CREB1: variants seen among roughly 807,000 people sequenced by gnomAD.
CREB1 encodes the protein cyclic AMP-responsive element-binding protein 1.
Under a neutral mutation model 42.0 loss-of-function variants are expected in CREB1, and 2 were observed. The ratio of observed to expected loss-of-function variants is 0.05; its 90% CI spans 0.02 to 0.15. CREB1 has a LOEUF of 0.15. Ranked by LOEUF, CREB1 falls within the 10% of genes least tolerant of loss-of-function variation. CREB1 has a pLI of 1.00. For synonymous variants in CREB1, 123 were observed against 139.9 expected (o/e 0.88, Z 0.85); for missense variants, 199 against 388.9 (o/e 0.51, Z 4.11).
Position 207,597,829 on chromosome 2 carries a change from A to G in CREB1, c.*771A>G, listed in dbSNP as rs1017000635. 4 of 193,446 alleles carry G rather than the reference A, an allele frequency of 2.1e-5. No individual in the cohort carries two copies. The East Asian group carries it at 3.3e-4, about 16-fold the overall frequency. 12.0% of individuals were successfully genotyped at this position (193,446 alleles called of 1,614,324 possible). A position where few individuals can be genotyped will look rare whatever the true frequency, so the allele number is the denominator to read the frequency against. On this transcript the variant is annotated 3_prime_UTR_variant, in exon 8 of 8. Coordinates refer to ENST00000353267, the MANE Select transcript of CREB1 (RefSeq NM_004379.5). ...GGTATTTGAATTTTAAATTAAAGCA[A>G]AGTAAATAAAAGTACAAAGCATATT...
intron 1 of CREB1, among the ~76,000 whole-genome samples, chr2:207,543,687 C>G (rs1342946007): frequency 6.6e-6 from 1 of 152,162 alleles, no homozygotes; most frequent in Non-Finnish European, 1.5e-5. Context: ...ACTGCAGCCT[C>G]TGCCTCCTGG....
Position 207,555,098 on chromosome 2 carries a change from CG to C in CREB1, c.-8-527del, listed in dbSNP as rs1164818464. Among the ~76,000 whole-genome samples the C allele has an allele frequency of 2.0e-5, 3 of 152,200 alleles. No homozygotes were observed. In the East Asian group the frequency reaches 5.8e-4, roughly 29 times the overall value. ...TCTCTAAAAAATTTTGGGCTTGAAA[CG>C]GGCTGATTTTGTCCTACCACTAGTA... On this transcript the variant is annotated intron_variant, in intron 1 of 7. Transcript: ENST00000353267.
At position 207,599,223 on chromosome 2, in the gene CREB1, A is replaced by G. The variant is rs746546077; in HGVS notation, c.*2165A>G. 1 of 199,984 alleles carries G rather than the reference A, an allele frequency of 5.0e-6. No homozygotes were observed. Among genetic ancestry groups the G allele is most frequent in the South Asian group, 1.9e-4 (1 of 5,240 alleles). The allele number at this position is 199,984 out of a possible 1,614,324, so 12.4% of individuals were successfully genotyped here. ...TCCTGCTGAGCTAATGGGGAAAGTT[A>G]TAGCATAAAAATTGTGTAACCGCAT... On this transcript the variant is annotated 3_prime_UTR_variant, in exon 8 of 8. Transcript: ENST00000353267.
intron 3 of CREB1, among the ~76,000 whole-genome samples, chr2:207,565,312 T>A (rs1263235040): frequency 6.6e-6 from 1 of 152,198 alleles, no homozygotes; most frequent in Non-Finnish European, 1.5e-5. Flanking sequence ...AGGGACTCCA[T>A]AGGAATTAGC....
intron 7 of CREB1, among the ~76,000 whole-genome samples, chr2:207,586,034 G>GT (rs1252462806): frequency 1.3e-5 from 2 of 152,092 alleles, no homozygotes; most frequent in Non-Finnish European, 2.9e-5. Flanking sequence ...TACTAAAACA[G>GT]TTTATCCAAA....
chr2:207,576,214 AC>A (rs1361258011), intron 6 of CREB1, among the ~76,000 whole-genome samples: 1 of 147,392 alleles, frequency 6.8e-6, no homozygotes, highest in Non-Finnish European at 1.5e-5. Flanking sequence ...TAAATTCTCG[AC>A]AAATTATAGA....
At chr2:207,552,063 A>AT (rs2081530041) in intron 1 of CREB1, among the ~76,000 whole-genome samples, 1 of 150,824 alleles carries the variant, frequency 6.6e-6, no homozygotes, top group Non-Finnish European at 1.5e-5. Flanking sequence ...AAAAAAAAAA[A>AT]AAAATTAAGA....
At chr2:207,552,042 CAAAAAAAAAAAA>C (rs71036931) in intron 1 of CREB1, among the ~76,000 whole-genome samples, 2 of 69,940 alleles carry the variant, frequency 2.9e-5, no homozygotes, top group African/African-American at 1.2e-4. Flanking sequence ...AACTCCGTCT[CAAAAAAAAAAAA>C]AAAAAAAAAA....
Position 207,598,145 on chromosome 2 carries a change from A to G in CREB1, c.*1087A>G, listed in dbSNP as rs796363799. The G allele has an allele frequency of 5.5e-6, 1 of 180,698 alleles. No individual in the cohort carries two copies. The highest frequency in any genetic ancestry group is 1.2e-5 in the Non-Finnish European group (1 of 84,516). 11.2% of individuals were successfully genotyped at this position (180,698 alleles called of 1,614,324 possible). A position where few individuals can be genotyped will look rare whatever the true frequency, so the allele number is the denominator to read the frequency against. On this transcript the variant is annotated 3_prime_UTR_variant, in exon 8 of 8. Coordinates refer to ENST00000353267, the MANE Select transcript of CREB1 (RefSeq NM_004379.5). Reference sequence around the variant, plus strand: ...ATTTTCCATATTAACAATTTAACAGAGAATCTCTAGTGAATTTTTTAAATG... The same window carrying G: ...ATTTTCCATATTAACAATTTAACAGGGAATCTCTAGTGAATTTTTTAAATG...
chr2:207,586,058 GAC>G (rs987966482), intron 7 of CREB1, among the ~76,000 whole-genome samples: 146 of 152,184 alleles, frequency 9.6e-4, no homozygotes, highest in African/African-American at 3.2e-3. Context: ...GCCTTTCTAA[GAC>G]ACACTATTTT....
chr2:207,537,538 C>T (rs1036418412), intron 1 of CREB1, among the ~76,000 whole-genome samples: 4 of 152,160 alleles, frequency 2.6e-5, no homozygotes, highest in Admixed American at 6.5e-5. Flanking sequence ...ATAATGTGAA[C>T]GTGGTTGTTT....
At chr2:207,557,988 A>G (rs1195651109) in intron 2 of CREB1, among the ~76,000 whole-genome samples, 1 of 152,200 alleles carries the variant, frequency 6.6e-6, no homozygotes, top group East Asian at 1.9e-4. Flanking sequence ...ATGGTTCTCA[A>G]ACTTCAGTGT....
In CREB1 at chr2:207,602,015, A is replaced by G. The variant is rs2087143508; in HGVS notation, c.*4957A>G. The G allele has an allele frequency of 9.7e-6, 2 of 205,930 alleles. No homozygotes were observed. The highest frequency in any genetic ancestry group is 4.6e-5 in the African/African-American group (2 of 43,738). The allele number at this position is 205,930 out of a possible 1,614,324, so 12.8% of individuals were successfully genotyped here. On this transcript the variant is annotated 3_prime_UTR_variant, in exon 8 of 8. Coordinates refer to ENST00000353267, the MANE Select transcript of CREB1 (RefSeq NM_004379.5). ...TAATCTTTGAGGGGCTGAACATATC[A>G]TGAAGCTGAGTCAGTATGGAAAATT...
At chr2:207,576,096 G>C (rs188214713) in intron 6 of CREB1, among the ~76,000 whole-genome samples, 138 of 151,488 alleles carry the variant, frequency 9.1e-4, no homozygotes, top group Admixed American at 3.7e-3. Flanking sequence ...CAAAGTGTTG[G>C]GATGCCTCTG....
intron 7 of CREB1, among the ~76,000 whole-genome samples, chr2:207,589,749 G>A (rs1403108226): frequency 6.6e-6 from 1 of 152,096 alleles, no homozygotes; most frequent in Non-Finnish European, 1.5e-5. Context: ...TGTTATTAGA[G>A]TGAATTACAT....
rs1020573410 is a variant in CREB1, at chr2:207,605,532, AAAG to A, written c.*8477_*8479del. Among the ~76,000 whole-genome samples the A allele has an allele frequency of 5.9e-5, 9 of 152,172 alleles. No individual in the cohort carries two copies. Among genetic ancestry groups the A allele is most frequent in the African/African-American group, 1.4e-4 (6 of 41,388 alleles). Reference sequence around the variant, plus strand: ...TATGTAATATGTACACTTCTAAAAAAAAGAAACATGGAAAAGGGCAAACTGTAA... The same window carrying A: ...TATGTAATATGTACACTTCTAAAAAAAAACATGGAAAAGGGCAAACTGTAA... On this transcript the variant is annotated 3_prime_UTR_variant, in exon 8 of 8. Transcript: ENST00000353267.
chr2:207,595,489 T>C (rs1395033371), intron 7 of CREB1, among the ~76,000 whole-genome samples: 1 of 152,060 alleles, frequency 6.6e-6, no homozygotes, highest in African/African-American at 2.4e-5. Flanking sequence ...GGCATGATCA[T>C]GGCTCACTGC....
intron 1 of CREB1, among the ~76,000 whole-genome samples, chr2:207,531,515 A>G (rs577433707): frequency 2.0e-5 from 3 of 152,360 alleles, no homozygotes; most frequent in South Asian, 2.1e-4. Context: ...GACGTGCGGT[A>G]TGACCTATTT....
chr2:207,557,595 T>C (rs2081781303), intron 2 of CREB1, among the ~76,000 whole-genome samples: 1 of 151,974 alleles, frequency 6.6e-6, no homozygotes, highest in Non-Finnish European at 1.5e-5. Context: ...GGCAGGAGAA[T>C]GTCATGAACC....
Sources: gnomAD v4.1 joint callset for allele counts (sites outside exome capture counted in the v4.1 genomes callset) on GRCh38, gnomAD v4.1.1 for gene constraint, MANE v1.5 for transcripts, NCBI Gene and HGNC (gene_info 2026-07-23, HGNC 2026-07-21) for gene names.